The following HS3ST1 variants were observed in gnomAD, a reference collection of about 807,000 sequenced individuals.
HS3ST1 encodes the protein heparan sulfate-glucosamine 3-sulfotransferase 1, also known as heparan sulfate glucosamine 3-O-sulfotransferase 1.
In HS3ST1, 8 loss-of-function variants were observed where a neutral mutation model predicts 20.7. The ratio of observed to expected loss-of-function variants is 0.39; its 90% CI spans 0.23 to 0.70. HS3ST1 has a LOEUF of 0.70. Ranked by LOEUF, HS3ST1 falls within the 30% of genes least tolerant of loss-of-function variation. The probability of loss-of-function intolerance (pLI) is 0.46; values close to 1 mark genes in which losing one functional copy is unlikely to be tolerated. For synonymous variants in HS3ST1, 205 were observed against 190.4 expected (o/e 1.08, Z -0.63); for missense variants, 436 against 423.4 (o/e 1.03, Z -0.26).
At chr4:11,407,187 G>A (rs537970432) in intron 1 of HS3ST1, among the ~76,000 whole-genome samples, 1 of 152,302 alleles carries the variant, frequency 6.6e-6, no homozygotes, top group Admixed American at 6.5e-5. Flanking sequence ...TTGCTGTGAG[G>A]TGGGATGGGG....
chr4:11,414,595 A>G (rs1012114538), intron 1 of HS3ST1, among the ~76,000 whole-genome samples: 1 of 152,190 alleles, frequency 6.6e-6, no homozygotes, highest in African/African-American at 2.4e-5. Flanking sequence ...TAGCGTGAAC[A>G]CTCAGGCCTG....
intron 1 of HS3ST1, among the ~76,000 whole-genome samples, chr4:11,407,559 A>C (rs1270602818): frequency 1.3e-5 from 2 of 152,224 alleles, no homozygotes; most frequent in Admixed American, 1.3e-4. Flanking sequence ...TGATAAAATG[A>C]GAATGATAAA....
At chr4:11,411,249 A>G (rs957471525) in intron 1 of HS3ST1, among the ~76,000 whole-genome samples, 1 of 152,212 alleles carries the variant, frequency 6.6e-6, no homozygotes, top group East Asian at 1.9e-4. Context: ...CATAGAAATA[A>G]TATGAGTAGT....
chr4:11,425,598 G>C (rs1352700916), intron 1 of HS3ST1, among the ~76,000 whole-genome samples: 1 of 152,132 alleles, frequency 6.6e-6, no homozygotes, highest in Non-Finnish European at 1.5e-5. Flanking sequence ...TTAATGTTTA[G>C]CATATGTCAT....
chr4:11,406,223 G>A (rs1718461255), intron 1 of HS3ST1, among the ~76,000 whole-genome samples: 1 of 152,196 alleles, frequency 6.6e-6, no homozygotes, highest in Admixed American at 6.5e-5. Flanking sequence ...AATACAAGAG[G>A]TGGTTGTTCT....
At chr4:11,421,370 C>T (rs943665154) in intron 1 of HS3ST1, among the ~76,000 whole-genome samples, 1 of 152,234 alleles carries the variant, frequency 6.6e-6, no homozygotes, top group African/African-American at 2.4e-5. Context: ...CTACCCAGGA[C>T]ACTGGGAGAG....
At chr4:11,420,394 G>A (rs1030533132) in intron 1 of HS3ST1, among the ~76,000 whole-genome samples, 1 of 152,126 alleles carries the variant, frequency 6.6e-6, no homozygotes, top group Non-Finnish European at 1.5e-5. Flanking sequence ...TGGGGGGAGC[G>A]AGTCTGAAAA....
chr4:11,411,149 C>G (rs1718622075), intron 1 of HS3ST1, among the ~76,000 whole-genome samples: 1 of 152,134 alleles, frequency 6.6e-6, no homozygotes. Flanking sequence ...TAAGAGAGTG[C>G]TTAGTATTGC....
chr4:11,421,083 C>T lies in HS3ST1; in HGVS notation c.-109+7616G>A, dbSNP rs184973385. 5.3e-5 allele frequency among the ~76,000 whole-genome samples: 8 copies of T among 151,634 alleles called. No individual in the cohort carries two copies. In the East Asian group the frequency reaches 5.9e-4, roughly 11 times the overall value. ...GAAACTCAAATTGAATTAGGTGTTCCGTATTTGTATTTGCTAAATCTGGCA... is the reference window on the plus strand; with the variant it reads ...GAAACTCAAATTGAATTAGGTGTTCTGTATTTGTATTTGCTAAATCTGGCA... On this transcript the variant is annotated intron_variant, in intron 1 of 1. Coordinates refer to ENST00000002596, the MANE Select transcript of HS3ST1 (RefSeq NM_005114.4).
chr4:11,412,872 A>C lies in HS3ST1; in HGVS notation c.-108-12759T>G, dbSNP rs375208678. ...ATTAATATGTTAAAATCAAATCCCC[A>C]TCATGATGGTATTGGAGGTGGGGCC... On this transcript the variant is annotated intron_variant, in intron 1 of 1. Transcript: ENST00000002596. 2.6e-5 allele frequency among the ~76,000 whole-genome samples: 4 copies of C among 152,226 alleles called. No individual in the cohort carries two copies. The East Asian group carries it at 7.7e-4, about 29-fold the overall frequency.
intron 1 of HS3ST1, among the ~76,000 whole-genome samples, chr4:11,406,215 T>C (rs1198765356): frequency 6.6e-6 from 1 of 152,234 alleles, no homozygotes; most frequent in Non-Finnish European, 1.5e-5. Context: ...CTTGCAACAA[T>C]ACAAGAGGTG....
At chr4:11,411,956 T>C (rs1718649684) in intron 1 of HS3ST1, among the ~76,000 whole-genome samples, 1 of 152,120 alleles carries the variant, frequency 6.6e-6, no homozygotes, top group African/African-American at 2.4e-5. Context: ...ATGGGGATGG[T>C]AACAGCACCA....
At chr4:11,426,678 T>C (rs1236429951) in intron 1 of HS3ST1, among the ~76,000 whole-genome samples, 4 of 152,274 alleles carry the variant, frequency 2.6e-5, no homozygotes, top group African/African-American at 9.6e-5. Flanking sequence ...TCTATGCTGC[T>C]GTTGTAATTA....
rs549187091 is a variant in HS3ST1, at chr4:11,397,789, A to T, written c.*1293T>A. The T allele has an allele frequency of 1.3e-5, 2 of 152,230 alleles. No homozygotes were observed. The highest frequency in any genetic ancestry group is 1.5e-5 in the Non-Finnish European group (1 of 68,044). 9.4% of individuals were successfully genotyped at this position (152,230 alleles called of 1,614,324 possible). A position where few individuals can be genotyped will look rare whatever the true frequency, so the allele number is the denominator to read the frequency against. On this transcript the variant is annotated 3_prime_UTR_variant, in exon 2 of 2. Coordinates refer to ENST00000002596, the MANE Select transcript of HS3ST1 (RefSeq NM_005114.4). The stretch of plus-strand genomic sequence containing the variant: ...ATTTTCCTGCGGTATAAACCATGTC[A>T]GGAAGCCGGTTTATTTTGCTTGTTT...
intron 1 of HS3ST1, among the ~76,000 whole-genome samples, chr4:11,403,228 G>T (rs874313): frequency 0.23 from 35,246 of 152,058 alleles, 4,205 homozygotes; most frequent in South Asian, 0.3. Flanking sequence ...TATATTCATA[G>T]CTAAATATAG....
rs536916008 is a variant in HS3ST1, at chr4:11,420,619, A to T, written c.-109+8080T>A. ...CTACGCTGGTGGCCTCACAGGGTTG[A>T]AATACCTTCTTCTTGAAGGGTGTTG... On this transcript the variant is annotated intron_variant, in intron 1 of 1. Transcript: ENST00000002596. Among the ~76,000 whole-genome samples, 9 of 152,338 alleles carry T rather than the reference A, an allele frequency of 5.9e-5. No individual in the cohort carries two copies. The East Asian group carries it at 1.7e-3, about 29-fold the overall frequency.
chr4:11,411,322 A>T (rs1485969131), intron 1 of HS3ST1, among the ~76,000 whole-genome samples: 1 of 152,220 alleles, frequency 6.6e-6, no homozygotes, highest in East Asian at 1.9e-4. Context: ...ATAGCACTAA[A>T]TAAAGCAATA....
intron 1 of HS3ST1, among the ~76,000 whole-genome samples, chr4:11,406,936 C>T (rs1718482452): frequency 6.6e-6 from 1 of 151,816 alleles, no homozygotes; most frequent in Non-Finnish European, 1.5e-5. Flanking sequence ...CGAAACATGT[C>T]TTCACTTTCA....
In HS3ST1 at chr4:11,398,998, A is replaced by T; in HGVS notation, c.*84T>A. 8.3e-7 allele frequency: 1 copy of T among 1,206,020 alleles called. No individual in the cohort carries two copies. The highest frequency in any genetic ancestry group is 1.2e-6 in the Non-Finnish European group (1 of 859,020). The allele number at this position is 1,206,020 out of a possible 1,614,324, so 74.7% of individuals were successfully genotyped here. On this transcript the variant is annotated 3_prime_UTR_variant, in exon 2 of 2. Transcript: ENST00000002596. ...GGATTTTACAAATAAATTATACCTT[A>T]AATGCTTTTTTAAAATTCTTTTTCC...
Sources: allele counts gnomAD v4.1 joint callset (sites outside exome capture counted in the v4.1 genomes callset), GRCh38; gene constraint gnomAD v4.1.1; transcripts MANE v1.5; gene names NCBI Gene and HGNC (gene_info 2026-07-23, HGNC 2026-07-21).